Variants in SLC26A1 observed in about 807,000 individuals in gnomAD.
SLC26A1 encodes the protein solute carrier family 26 member 1, also known as sulfate anion transporter 1.
SLC26A1 carries 18 observed loss-of-function variants against 14.5 expected under a neutral mutation model. The ratio of observed to expected loss-of-function variants is 1.24; its 90% CI spans 0.86 to 1.84. SLC26A1 has a LOEUF of 1.84. Ranked by LOEUF, SLC26A1 falls within the 40% of genes most tolerant of loss-of-function variation. The pLI is 0.00. For missense variants in SLC26A1, 1,049 were observed against 1,020.0 expected, an observed-to-expected ratio of 1.03 and a Z score of -0.39; for synonymous variants, 505 against 492.0, an observed-to-expected ratio of 1.03 and a Z score of -0.35.
chr4:984,704 GC>G (rs1383158590), downstream of SLC26A1, among the ~76,000 whole-genome samples: 6 of 152,154 alleles, frequency 3.9e-5, no homozygotes, highest in Non-Finnish European at 4.4e-5. Context: ...GGTGGCTCAT[GC>G]CTGTAATCCC....
At chr4:980,025 G>A (rs1713491206) in intron 2 of SLC26A1, among the ~76,000 whole-genome samples, 1 of 152,218 alleles carries the variant, frequency 6.6e-6, no homozygotes, top group South Asian at 2.1e-4. Context: ...ACAGGGCCAC[G>A]GAGTGGAGGG....
chr4:987,814 C>G lies in SLC26A1; in HGVS notation c.*1019G>C. The G allele has an allele frequency of 1.2e-6, 2 of 1,612,388 alleles. No individual in the cohort carries two copies. Among genetic ancestry groups the G allele is most frequent in the East Asian group, 2.2e-5 (1 of 44,868 alleles). ...CGCCCCTTTGTTGTCCCCAGCCCCC[C>G]GCTGCCACACAGCCAGGCTGACCAG... On this transcript the variant is annotated 3_prime_UTR_variant, in exon 3 of 3. Transcript: ENST00000398516.
rs1187346453 is a variant in SLC26A1 at position 988,623 on chromosome 4, G to A, written c.*210C>T. The stretch of plus-strand genomic sequence containing the variant: ...TGTGGGCCAGCCTGTCTCGGAGGCA[G>A]AGGTTCTTGATTTCTGAGTGTTTGG... On this transcript the variant is annotated 3_prime_UTR_variant, in exon 3 of 3. Coordinates refer to ENST00000398516, the MANE Select transcript of SLC26A1 (RefSeq NM_022042.4). The A allele has an allele frequency of 1.5e-6, 2 of 1,379,108 alleles. No individual in the cohort carries two copies. Among genetic ancestry groups the A allele is most frequent in the Non-Finnish European group, 1.9e-6 (2 of 1,072,366 alleles). The allele number at this position is 1,379,108 out of a possible 1,614,324, so 85.4% of individuals were successfully genotyped here.
At position 988,973 on chromosome 4, in the gene SLC26A1, T is replaced by C. The variant is rs1486511209; in HGVS notation, c.1966A>G (p.Ile656Val). 2 of 1,596,880 alleles carry C rather than the reference T, an allele frequency of 1.3e-6. No homozygotes were observed. The highest frequency in any genetic ancestry group is 2.3e-5 in the East Asian group (1 of 43,840). ...CCGAGGAAGCCTCCTCTGCTCAGAA[T>C]GTCTCTCACAGGCGGGCTGCAGCAG... ...LACCSPPVRD[I>V]LSRGGFLGEG... Residue 656 changes from isoleucine (I) to valine (V), a missense_variant, in exon 3 of 3, where the codon ATT (isoleucine) becomes GTT (valine). Physicochemically the swap from Ile to Val is conservative, Grantham distance 29 (BLOSUM62 3). Transcript: ENST00000398516.
chr4:992,035 C>T, intron 1 of SLC26A1: 2 of 598,814 alleles, frequency 3.3e-6, no homozygotes, highest in Admixed American at 2.2e-5. Flanking sequence ...CCAGGCTCAG[C>T]TCCGGCCTAT....
chr4:986,986 CCG>C, downstream of SLC26A1: 1 of 1,217,762 alleles, frequency 8.2e-7, no homozygotes, highest in Admixed American at 2.3e-5. Context: ...AGGCCCCGCC[CCG>C]CGGCGGCGGT....
Position 989,837 on chromosome 4 carries a change from C to T in SLC26A1, c.1102G>A (p.Gly368Ser), listed in dbSNP as rs3796623. The T allele has an allele frequency of 0.026, 41,058 of 1,579,648 alleles. 639 individuals are homozygous for T. The highest frequency in any genetic ancestry group is 0.053 in the Middle Eastern group (311 of 5,886). ...SLAEMFARSH[G>S]YSVRANQELL... The stretch of plus-strand genomic sequence containing the variant: ...TCCTGGTTGGCACGCACAGAGTAGC[C>T]GTGACTGCGGGCGAACATCTCCGCC... Residue 368 changes from glycine to serine, a missense_variant, in exon 3 of 3, where the codon GGC becomes AGC. Coordinates refer to ENST00000398516, the MANE Select transcript of SLC26A1 (RefSeq NM_022042.4).
chr4:987,017 A>C, downstream of SLC26A1: 1 of 1,256,604 alleles, frequency 8.0e-7, no homozygotes, highest in Non-Finnish European at 1.0e-6. Context: ...GTGCGCGCCC[A>C]GACTCCGACC....
rs143894909 is a variant in SLC26A1, at chr4:989,998, C to T, written c.941G>A (p.Arg314His). Reference protein sequence around the residue: ...LVSHFGQLHKRFGSSVAGDIP... With the variant: ...LVSHFGQLHKHFGSSVAGDIP... ...GTCGCCAGCCACGCTCGAGCCAAAGCGCTTGTGGAGCTGCCCGAAGTGCGA... is the reference window on the plus strand; with the variant it reads ...GTCGCCAGCCACGCTCGAGCCAAAGTGCTTGTGGAGCTGCCCGAAGTGCGA... The change falls in exon 3 of 3, where the codon CGC becomes CAC. Residue 314 changes from arginine (R) to histidine (H), a missense_variant. Coordinates refer to ENST00000398516, the MANE Select transcript of SLC26A1 (RefSeq NM_022042.4). The T allele has an allele frequency of 4.2e-5, 66 of 1,567,540 alleles. No individual in the cohort carries two copies. The African/African-American group carries it at 7.0e-4, about 17-fold the overall frequency.
chr4:988,164 C>A lies in SLC26A1; in HGVS notation c.*669G>T. 7.2e-7 allele frequency: 1 copy of A among 1,394,484 alleles called. No individual in the cohort carries two copies. The highest frequency in any genetic ancestry group is 9.3e-7 in the Non-Finnish European group (1 of 1,075,706). 86.4% of individuals were successfully genotyped at this position (1,394,484 alleles called of 1,614,324 possible). On this transcript the variant is annotated 3_prime_UTR_variant, in exon 3 of 3. Transcript: ENST00000398516. ...GCACGGTGGGCTTCCTGCAGGTCTC[C>A]CTGCAGGCTCAGGGTTGGCTGCGCC...
chr4:989,575 C>A lies in SLC26A1; in HGVS notation c.1364G>T (p.Arg455Leu), dbSNP rs371025483. 33 of 1,594,000 alleles carry A rather than the reference C, an allele frequency of 2.1e-5. No homozygotes were observed. Among genetic ancestry groups the A allele is most frequent in the Middle Eastern group, 3.4e-4 (2 of 5,958 alleles). Residue 455 changes from arginine (R) to leucine (L), a missense_variant, in exon 3 of 3, where the codon CGC becomes CTC. Transcript: ENST00000398516. Reference sequence around the variant, plus strand: ...CAGCCGCGGGAGGTCCCACACCTTGCGCAGGGCCCCCCGCAGGCTGACCAC... The same window carrying A: ...CAGCCGCGGGAGGTCCCACACCTTGAGCAGGGCCCCCCGCAGGCTGACCAC... The part of the protein sequence containing the change: ...VIVVSLRGAL[R>L]KVWDLPRLWR...
chr4:984,764 C>T (rs1713647994), downstream of SLC26A1, among the ~76,000 whole-genome samples: 1 of 152,112 alleles, frequency 6.6e-6, no homozygotes, highest in African/African-American at 2.4e-5. Flanking sequence ...GAGATCGCAC[C>T]ACTGCACTCC....
Position 991,372 on chromosome 4 carries a change from A to G in SLC26A1, c.332T>C (p.Ile111Thr), listed in dbSNP as rs1714304170. Residue 111 changes from isoleucine (I) to threonine (T), a missense_variant, in exon 2 of 3, where the codon ATC becomes ACC. Ile to Thr is a moderately conservative substitution (Grantham distance 89). Transcript: ENST00000398516. ...CCGTGAGGTGCCCATGAGGAAGTAG[A>G]TGAGGTTGGCGAAGAAGGACGTATA... ...SLYTSFFANL[I>T]YFLMGTSRHV... 1 of 1,612,704 alleles carries G rather than the reference A, an allele frequency of 6.2e-7. No homozygotes were observed. The highest frequency in any genetic ancestry group is 8.5e-7 in the Non-Finnish European group (1 of 1,179,960).
chr4:987,352 C>T (rs2153015327), downstream of SLC26A1: 4 of 1,088,210 alleles, frequency 3.7e-6, no homozygotes, highest in East Asian at 3.0e-5. Context: ...CCTCTGGGGC[C>T]CTGGCTCTCC....
At chr4:983,083 A>G (rs1354797724), downstream of SLC26A1, among the ~76,000 whole-genome samples, 2 of 152,222 alleles carry the variant, frequency 1.3e-5, no homozygotes, top group Non-Finnish European at 2.9e-5. Context: ...CTTTTCCCAT[A>G]CAGCACCTGT....
At chr4:986,843 C>CCGAGTCAT (rs1299262517), downstream of SLC26A1, 6 of 641,404 alleles carry the variant, frequency 9.4e-6, no homozygotes, top group East Asian at 1.9e-4. Context: ...TGAGCGCTTT[C>CCGAGTCAT]CGAGTCATCG....
downstream of SLC26A1, chr4:987,105 C>T (rs1240723907): frequency 2.1e-6 from 3 of 1,457,052 alleles, no homozygotes; most frequent in Non-Finnish European, 2.7e-6. Context: ...TGCGCCCCCG[C>T]GCCGCGCTGC....
downstream of SLC26A1, among the ~76,000 whole-genome samples, chr4:983,006 G>C (rs1267794762): frequency 1.3e-5 from 2 of 152,226 alleles, no homozygotes; most frequent in Non-Finnish European, 2.9e-5. Context: ...CGCCATGTGA[G>C]GCGACAGGCG....
Position 979,416 on chromosome 4 carries a change from C to CT in SLC26A1, c.664dup (p.Arg222LysfsTer6). The CT allele has an allele frequency of 1.9e-6, 3 of 1,560,126 alleles. No homozygotes were observed. Among genetic ancestry groups the CT allele is most frequent in the Non-Finnish European group, 2.6e-6 (3 of 1,134,884 alleles). On this transcript the variant is annotated frameshift_variant, in exon 3 of 3. Transcript: ENST00000398520. LOFTEE classifies it high-confidence loss of function. Reference sequence around the variant, plus strand: ...GCATTTCCTGTTAAATCAGCAAGATCTTTCCTCCTCTTCCAGAAGTTCCTG... The same window carrying CT: ...GCATTTCCTGTTAAATCAGCAAGATCTTTTCCTCCTCTTCCAGAAGTTCCTG...
Sources: allele counts gnomAD v4.1 joint callset (sites outside exome capture counted in the v4.1 genomes callset), GRCh38; gene constraint gnomAD v4.1.1; transcripts MANE v1.5; gene names NCBI Gene and HGNC (gene_info 2026-07-23, HGNC 2026-07-21).